Variants in OR52N4 observed in about 807,000 individuals in gnomAD.
OR52N4 encodes olfactory receptor family 52 subfamily N member 4.
OR52N4 carries 15 observed loss-of-function variants against 15.0 expected under a neutral mutation model. The observed-to-expected ratio is 1.00, with a 90% CI of 0.67 to 1.54. OR52N4 has a LOEUF of 1.54. Among genes scored for constraint, OR52N4 ranks in the 40% most tolerant of loss-of-function variants. The pLI is 0.00. For synonymous variants in OR52N4, 143 were observed against 143.7 expected (o/e 1.00, Z 0.03); for missense variants, 421 against 394.0 (o/e 1.07, Z -0.58).
At chr11:5,737,386 C>T in the OR52N4 span, 1 of 1,614,084 alleles carries the variant, frequency 6.2e-7, no homozygotes, top group South Asian at 1.1e-5. Context: ...TGCACAACAT[C>T]ATCCCCCCTT....
the OR52N4 span, among the ~76,000 whole-genome samples, chr11:5,738,787 A>G: frequency 6.6e-6 from 1 of 152,114 alleles, no homozygotes; most frequent in South Asian, 2.1e-4. Flanking sequence ...AAATAGTCCT[A>G]AACAATGAAT....
chr11:5,754,839 C>G lies in OR52N4; in HGVS notation c.99C>G (p.Phe33Leu), dbSNP rs1854263318. 1 of 1,613,698 alleles carries G rather than the reference C, an allele frequency of 6.2e-7. No individual in the cohort carries two copies. ...EDTQLWISFP[F>L]CSMYVVAMVG... ...CACAACTCTGGATTTCCTTCCCATT[C>G]TGCTCTATGTATGTTGTGGCTATGG... Residue 33 changes from phenylalanine to leucine, a missense_variant, in exon 2 of 2, where the codon TTC (phenylalanine) becomes TTG (leucine). Coordinates refer to ENST00000641350, the MANE Select transcript of OR52N4 (RefSeq NM_001005175.5).
chr11:5,752,573 T>G (rs1590343585), upstream of OR52N4, among the ~76,000 whole-genome samples: 1 of 152,204 alleles, frequency 6.6e-6, no homozygotes, highest in East Asian at 1.9e-4. Flanking sequence ...ATATGGGTAT[T>G]GAGCACTTAA....
At chr11:5,737,589 C>A in the OR52N4 span, 5 of 1,098,172 alleles carry the variant, frequency 4.6e-6, no homozygotes, top group Non-Finnish European at 6.3e-6. Flanking sequence ...TTTGGGATTC[C>A]CTTTTTATAT....
the OR52N4 span, among the ~76,000 whole-genome samples, chr11:5,744,433 T>G: frequency 0.1 from 15,919 of 152,224 alleles, 867 homozygotes; most frequent in Middle Eastern, 0.17. Context: ...ATCTTCCTGA[T>G]GAGAATTGAT....
chr11:5,746,430 AG>A, the OR52N4 span, among the ~76,000 whole-genome samples: 1 of 152,266 alleles, frequency 6.6e-6, no homozygotes, highest in East Asian at 1.9e-4. Flanking sequence ...ATCATCTACA[AG>A]GAACTCAAGC....
upstream of OR52N4, among the ~76,000 whole-genome samples, chr11:5,752,921 TA>T (rs923345486): frequency 1.3e-5 from 2 of 152,064 alleles, no homozygotes; most frequent in Admixed American, 1.3e-4. Context: ...TAAGTCTTTC[TA>T]AAAAAAATTA....
chr11:5,728,119 A>G, the OR52N4 span, among the ~76,000 whole-genome samples: 1 of 152,086 alleles, frequency 6.6e-6, no homozygotes, highest in African/African-American at 2.4e-5. Context: ...TCACAGGTAC[A>G]CTCCTGTCTC....
At chr11:5,741,854 T>C in the OR52N4 span, among the ~76,000 whole-genome samples, 1 of 152,108 alleles carries the variant, frequency 6.6e-6, no homozygotes, top group Non-Finnish European at 1.5e-5. Flanking sequence ...GTTATGGAAA[T>C]GGTGTCCTTA....
chr11:5,745,446 A>G, the OR52N4 span, among the ~76,000 whole-genome samples: 1 of 152,164 alleles, frequency 6.6e-6, no homozygotes, highest in African/African-American at 2.4e-5. Context: ...TTTCATTAAC[A>G]ATAACTAGAA....
upstream of OR52N4, among the ~76,000 whole-genome samples, chr11:5,751,040 G>A (rs1462606217): frequency 6.6e-6 from 1 of 151,640 alleles, no homozygotes; most frequent in Non-Finnish European, 1.5e-5. Context: ...TATCAAACTT[G>A]GAAAAAAAAC....
In OR52N4 at chr11:5,755,491, G is replaced by A; in HGVS notation, c.751G>A (p.Val251Ile). ...CTGCACTGCCCACATTTGTGCCATTGTTTTCTCCTATACTCCAGCTTTCTT... is the reference window on the plus strand; with the variant it reads ...CTGCACTGCCCACATTTGTGCCATTATTTTCTCCTATACTCCAGCTTTCTT... Reference protein sequence around the residue: ...NTCTAHICAIVFSYTPAFFSF... With the variant: ...NTCTAHICAIIFSYTPAFFSF... Residue 251 changes from valine (V) to isoleucine (I), a missense_variant, in exon 2 of 2, where the codon GTT (valine) becomes ATT (isoleucine). Physicochemically the swap from Val to Ile is conservative, Grantham distance 29. Transcript: ENST00000641350. 1 of 1,613,938 alleles carries A rather than the reference G, an allele frequency of 6.2e-7. No homozygotes were observed. Among genetic ancestry groups the A allele is most frequent in the Non-Finnish European group, 8.5e-7 (1 of 1,179,874 alleles).
the OR52N4 span, among the ~76,000 whole-genome samples, chr11:5,743,346 A>T: frequency 4.6e-5 from 7 of 152,210 alleles, no homozygotes; most frequent in Non-Finnish European, 1.0e-4. Context: ...AAAATCAACC[A>T]AAAAAACCTT....
At chr11:5,743,744 G>A in the OR52N4 span, among the ~76,000 whole-genome samples, 1 of 152,118 alleles carries the variant, frequency 6.6e-6, no homozygotes, top group Non-Finnish European at 1.5e-5. Context: ...TTTTAAGTGG[G>A]AAGTCTATAG....
intron 1 of OR52N4, 89 bp from the exon 2 acceptor site, chr11:5,754,604 A>C: frequency 1.1e-6 from 1 of 880,846 alleles, no homozygotes; most frequent in Non-Finnish European, 1.7e-6. Flanking sequence ...TTGGACCATT[A>C]AAATGCATTA....
At chr11:5,728,429 T>C in the OR52N4 span, among the ~76,000 whole-genome samples, 1 of 152,210 alleles carries the variant, frequency 6.6e-6, no homozygotes, top group African/African-American at 2.4e-5. Flanking sequence ...GAAACTAAGA[T>C]TGGAAACCAG....
chr11:5,733,114 T>A, the OR52N4 span, among the ~76,000 whole-genome samples: 1 of 152,220 alleles, frequency 6.6e-6, no homozygotes, highest in Admixed American at 6.5e-5. Context: ...TTATATTTAT[T>A]CTTGCCATGT....
the OR52N4 span, among the ~76,000 whole-genome samples, chr11:5,743,901 A>G: frequency 6.6e-6 from 1 of 152,158 alleles, no homozygotes. Flanking sequence ...GATAAATGAA[A>G]TTGAGACAGA....
At position 5,754,673 on chromosome 11, in the gene OR52N4, G is replaced by GTTT. The variant is rs34221828; in HGVS notation, c.-48-11_-48-9dup. On this transcript the variant is annotated intron_variant, in intron 1 of 1. Transcript: ENST00000641350. ...GTAAAAATAACCTATATTTTCTCTT[G>GTTT]TTTTTTTTTTTAACTCTAGGAAAGC... is the stretch of plus-strand genomic sequence containing the variant. 5.5e-3 allele frequency: 6,559 copies of GTTT among 1,201,620 alleles called. 8 individuals carry two copies. Among genetic ancestry groups the GTTT allele is most frequent in the African/African-American group, 0.025 (1,547 of 63,136 alleles). The allele number at this position is 1,201,620 out of a possible 1,614,324, so 74.4% of individuals were successfully genotyped here.
Sources: gnomAD v4.1 joint callset for allele counts (sites outside exome capture counted in the v4.1 genomes callset) on GRCh38, gnomAD v4.1.1 for gene constraint, MANE v1.5 for transcripts, NCBI Gene and HGNC (gene_info 2026-07-23, HGNC 2026-07-21) for gene names.